KCNMB2: variants seen among roughly 807,000 people sequenced by gnomAD.
KCNMB2 encodes calcium-activated potassium channel subunit beta-2.
A neutral mutation model predicts 24.5 loss-of-function variants in KCNMB2; 9 were observed. The ratio of observed to expected loss-of-function variants is 0.37; its 90% CI spans 0.22 to 0.64. The LOEUF is 0.64. Ranked by LOEUF, KCNMB2 falls within the 30% of genes least tolerant of loss-of-function variation. The pLI is 0.63. For missense variants in KCNMB2, 226 were observed against 284.3 expected (o/e 0.79, Z 1.47); for synonymous variants, 109 against 104.4 (o/e 1.04, Z -0.27).
chr3:178,539,212 C>A (rs1466005994), intron 1 of KCNMB2, among the ~76,000 whole-genome samples: 1 of 152,086 alleles, frequency 6.6e-6, no homozygotes, highest in Non-Finnish European at 1.5e-5. Flanking sequence ...CTCTCCCTCT[C>A]ATCAAAATAT....
At chr3:178,701,551 G>C (rs1251588146) in intron 1 of KCNMB2, among the ~76,000 whole-genome samples, 5 of 151,554 alleles carry the variant, frequency 3.3e-5, no homozygotes, top group Non-Finnish European at 7.4e-5. Context: ...AATCTACAAA[G>C]AACTCAAACA....
chr3:178,818,086 A>T (rs1291594105), intron 2 of KCNMB2, among the ~76,000 whole-genome samples: 4 of 152,140 alleles, frequency 2.6e-5, no homozygotes, highest in Non-Finnish European at 5.9e-5. Context: ...CCCTGCATCC[A>T]CCAGGTGCCC....
At chr3:178,754,177 T>TATATATATATATATAC (rs1435109631) in intron 1 of KCNMB2, among the ~76,000 whole-genome samples, 2 of 117,226 alleles carry the variant, frequency 1.7e-5, no homozygotes, top group African/African-American at 7.4e-5. Context: ...TATATATATA[T>TATATATATATATATAC]ACACACACAC....
rs374702082 is a variant in KCNMB2, at chr3:178,811,922, A to C, written c.56+4457A>C. Among the ~76,000 whole-genome samples the C allele has an allele frequency of 3.4e-4, 52 of 152,290 alleles. 1 individual carries two copies. In the South Asian group the frequency reaches 0.011, roughly 31 times the overall value. On this transcript the variant is annotated intron_variant, in intron 2 of 4. Transcript: ENST00000452583. Reference sequence around the variant, plus strand: ...TCTCAGATTATTAATGAGATTGAGTATATTTCCTTAGTCGTTTTTTCTGAG... The same window carrying C: ...TCTCAGATTATTAATGAGATTGAGTCTATTTCCTTAGTCGTTTTTTCTGAG...
chr3:178,683,359 A>AC (rs1262963003), intron 1 of KCNMB2, among the ~76,000 whole-genome samples: 1 of 151,736 alleles, frequency 6.6e-6, no homozygotes, highest in Non-Finnish European at 1.5e-5. Context: ...TCTCAAAAAA[A>AC]CTAACTGTTG....
chr3:178,658,703 C>T (rs1247182121), intron 1 of KCNMB2, among the ~76,000 whole-genome samples: 1 of 152,168 alleles, frequency 6.6e-6, no homozygotes, highest in African/African-American at 2.4e-5. Context: ...AGGGCCATGC[C>T]TTCTGCTTTC....
intron 1 of KCNMB2, among the ~76,000 whole-genome samples, chr3:178,759,436 T>TATATATATATATATCTCTCCAAGAGG (rs1711597088): frequency 1.5e-4 from 1 of 6,474 alleles, no homozygotes; most frequent in Non-Finnish European, 4.0e-4. Flanking sequence ...TCCAAGAGGA[T>TATATATATATATATCTCTCCAAGAGG]ATATATATAT....
At chr3:178,616,563 A>G (rs1160330814) in intron 1 of KCNMB2, among the ~76,000 whole-genome samples, 2 of 152,182 alleles carry the variant, frequency 1.3e-5, no homozygotes, top group African/African-American at 4.8e-5. Context: ...CGACATCTAC[A>G]ATTCAGAACT....
chr3:178,590,829 T>G (rs1411930494), intron 1 of KCNMB2, among the ~76,000 whole-genome samples: 1 of 152,194 alleles, frequency 6.6e-6, no homozygotes, highest in Non-Finnish European at 1.5e-5. Flanking sequence ...ATATAATACT[T>G]TAATCACTTT....
intron 1 of KCNMB2, among the ~76,000 whole-genome samples, chr3:178,619,297 A>G (rs1213099895): frequency 2.6e-5 from 4 of 152,168 alleles, no homozygotes; most frequent in Non-Finnish European, 5.9e-5. Context: ...AAATGTCAGA[A>G]GTCACATGGA....
chr3:178,590,138 G>A lies in KCNMB2; in HGVS notation c.-68+53427G>A, dbSNP rs935841283. On this transcript the variant is annotated intron_variant, in intron 1 of 4. Transcript: ENST00000452583. ...TTGGGAAGGTTTAACCAGAAAAATT[G>A]CATCTAACCATTTTTATTCATCTTC... Among the ~76,000 whole-genome samples the A allele has an allele frequency of 4.6e-5, 7 of 152,210 alleles. No individual in the cohort carries two copies. In the East Asian group the frequency reaches 5.8e-4, roughly 13 times the overall value.
intron 1 of KCNMB2, among the ~76,000 whole-genome samples, chr3:178,606,434 C>T (rs370409318): frequency 2.7e-5 from 4 of 150,842 alleles, no homozygotes; most frequent in African/African-American, 9.7e-5. Context: ...GTAGCCTGGA[C>T]TTATTTTGAA....
chr3:178,792,362 A>G (rs1287936514), intron 1 of KCNMB2, among the ~76,000 whole-genome samples: 2 of 152,194 alleles, frequency 1.3e-5, no homozygotes, highest in African/African-American at 4.8e-5. Flanking sequence ...ATGGGTTATA[A>G]GATGTTATTT....
intron 1 of KCNMB2, among the ~76,000 whole-genome samples, chr3:178,611,758 T>A (rs1394493822): frequency 6.6e-6 from 1 of 152,092 alleles, no homozygotes; most frequent in Non-Finnish European, 1.5e-5. Flanking sequence ...ATTGATCTTT[T>A]ATATTTTCTT....
At chr3:178,769,679 G>A (rs933509477) in intron 1 of KCNMB2, among the ~76,000 whole-genome samples, 7 of 152,122 alleles carry the variant, frequency 4.6e-5, no homozygotes, top group Non-Finnish European at 1.0e-4. Context: ...AAGATCCTAC[G>A]AGAATTTTTA....
chr3:178,546,646 G>T (rs918354037), intron 1 of KCNMB2, among the ~76,000 whole-genome samples: 1 of 152,162 alleles, frequency 6.6e-6, no homozygotes, highest in Non-Finnish European at 1.5e-5. Context: ...GAGAGCAAGA[G>T]TCAGCAGCAT....
chr3:178,842,106 A>T (rs1715447601), intron 4 of KCNMB2, among the ~76,000 whole-genome samples: 1 of 152,178 alleles, frequency 6.6e-6, no homozygotes, highest in Non-Finnish European at 1.5e-5. Context: ...AATTCAACAG[A>T]AGTGTAGCTG....
At chr3:178,781,924 G>A (rs997706936) in intron 1 of KCNMB2, among the ~76,000 whole-genome samples, 2 of 135,434 alleles carry the variant, frequency 1.5e-5, no homozygotes, top group African/African-American at 5.6e-5. Flanking sequence ...ATATCTCCCA[G>A]TGCTATCCCT....
At chr3:178,750,339 G>C (rs749191245) in intron 1 of KCNMB2, among the ~76,000 whole-genome samples, 1 of 151,882 alleles carries the variant, frequency 6.6e-6, no homozygotes, top group Admixed American at 6.6e-5. Flanking sequence ...AGCTAATTAT[G>C]AAGTCATTTC....
Sources: gnomAD v4.1 joint callset for allele counts (sites outside exome capture counted in the v4.1 genomes callset) on GRCh38, gnomAD v4.1.1 for gene constraint, MANE v1.5 for transcripts, NCBI Gene and HGNC (gene_info 2026-07-23, HGNC 2026-07-21) for gene names.